Variants in ZNRF3 observed in about 807,000 individuals in gnomAD.
ZNRF3 encodes the protein zinc and ring finger 3, also known as E3 ubiquitin-protein ligase ZNRF3.
Under a neutral mutation model 72.5 loss-of-function variants are expected in ZNRF3, and 23 were observed. The ratio of observed to expected loss-of-function variants is 0.32; its 90% CI spans 0.23 to 0.45. The LOEUF is 0.45. ZNRF3 is among the 20% of genes least tolerant of loss of function. The pLI, the probability that ZNRF3 is intolerant of heterozygous loss-of-function variation, is 1.00. For missense variants in ZNRF3, 1,169 were observed against 1,272.1 expected, an observed-to-expected ratio of 0.92 and a Z score of 1.23; for synonymous variants, 610 against 545.3, an observed-to-expected ratio of 1.12 and a Z score of -1.65.
chr22:28,924,392 C>T (rs1260224464), intron 1 of ZNRF3, among the ~76,000 whole-genome samples: 1 of 152,146 alleles, frequency 6.6e-6, no homozygotes, highest in African/African-American at 2.4e-5. Flanking sequence ...AAAGTGCTTT[C>T]CTCTGGTGGG....
chr22:29,021,197 G>A (rs907447106), intron 2 of ZNRF3, among the ~76,000 whole-genome samples: 2 of 151,804 alleles, frequency 1.3e-5, no homozygotes, highest in East Asian at 1.9e-4. Flanking sequence ...TTGTGCCATC[G>A]CACTCCAGCT....
chr22:28,960,204 C>G (rs561586311), intron 1 of ZNRF3, among the ~76,000 whole-genome samples: 2 of 152,160 alleles, frequency 1.3e-5, no homozygotes, highest in Non-Finnish European at 2.9e-5. Flanking sequence ...CCCAGAGATT[C>G]TGATGGGAGT....
intron 8 of ZNRF3, among the ~76,000 whole-genome samples, chr22:29,051,479 C>CTGTA (rs2037205357): frequency 6.6e-6 from 1 of 152,072 alleles, no homozygotes; most frequent in South Asian, 2.1e-4. Context: ...TGGCGGGTGC[C>CTGTA]TGTAGTCCCA....
intron 2 of ZNRF3, chr22:29,018,091 C>T (rs949332475): frequency 1.2e-5 from 6 of 517,494 alleles, no homozygotes; most frequent in South Asian, 5.6e-5. Context: ...GGAGGGCGGA[C>T]GGGCAGACCG....
At chr22:28,957,615 A>G (rs1366635657) in intron 1 of ZNRF3, among the ~76,000 whole-genome samples, 1 of 151,688 alleles carries the variant, frequency 6.6e-6, no homozygotes, top group Non-Finnish European at 1.5e-5. Context: ...AATTTTTTGT[A>G]TCTTTAGTAG....
chr22:29,039,367 C>A (rs1291910555), intron 2 of ZNRF3, among the ~76,000 whole-genome samples: 1 of 152,168 alleles, frequency 6.6e-6, no homozygotes, highest in Non-Finnish European at 1.5e-5. Flanking sequence ...CATCAAAGCG[C>A]ACAGGTACCG....
At chr22:28,962,932 C>T (rs2035391104) in intron 1 of ZNRF3, among the ~76,000 whole-genome samples, 1 of 152,092 alleles carries the variant, frequency 6.6e-6, no homozygotes, top group African/African-American at 2.4e-5. Flanking sequence ...GTACCCTGAA[C>T]ATCCTTTTGG....
chr22:28,989,465 G>GC (rs1005987364), intron 2 of ZNRF3, among the ~76,000 whole-genome samples: 6 of 152,178 alleles, frequency 3.9e-5, no homozygotes, highest in African/African-American at 9.6e-5. Context: ...TGTTTTATGA[G>GC]CCCCCCGGGG....
chr22:28,910,441 A>G (rs2034295847), intron 1 of ZNRF3, among the ~76,000 whole-genome samples: 2 of 152,136 alleles, frequency 1.3e-5, no homozygotes, highest in African/African-American at 4.8e-5. Flanking sequence ...CCTCTTCATG[A>G]TGGTCCACTT....
At chr22:28,994,744 A>T (rs1012590157) in intron 2 of ZNRF3, among the ~76,000 whole-genome samples, 1 of 152,134 alleles carries the variant, frequency 6.6e-6, no homozygotes, top group African/African-American at 2.4e-5. Flanking sequence ...TGTTATGTAT[A>T]TTTTACCACA....
At chr22:28,893,528 G>T in intron 1 of ZNRF3, among the ~76,000 whole-genome samples, 2 of 141,976 alleles carry the variant, frequency 1.4e-5, no homozygotes, top group African/African-American at 2.6e-5. Context: ...GACAAGTTCT[G>T]GCTCTATCGC....
chr22:28,920,497 C>T (rs1288590291), intron 1 of ZNRF3, among the ~76,000 whole-genome samples: 1 of 152,164 alleles, frequency 6.6e-6, no homozygotes, highest in Non-Finnish European at 1.5e-5. Context: ...TCTCGAACTC[C>T]TGACCTCAAG....
intron 2 of ZNRF3, among the ~76,000 whole-genome samples, chr22:29,040,007 G>A (rs981008223): frequency 5.3e-5 from 8 of 151,992 alleles, no homozygotes; most frequent in Non-Finnish European, 1.2e-4. Context: ...TGCCACTCTC[G>A]CCTCACACTT....
chr22:29,013,303 CTG>C (rs1158905484), intron 2 of ZNRF3, among the ~76,000 whole-genome samples: 1 of 152,166 alleles, frequency 6.6e-6, no homozygotes, highest in African/African-American at 2.4e-5. Flanking sequence ...AAAATGATGA[CTG>C]TGAAGAGTAT....
chr22:28,925,302 A>C (rs1056278083), intron 1 of ZNRF3, among the ~76,000 whole-genome samples: 10 of 152,142 alleles, frequency 6.6e-5, no homozygotes, highest in African/African-American at 2.2e-4. Flanking sequence ...AGATGTCCCA[A>C]CCAAACCCAG....
At chr22:29,000,180 A>G (rs578045430) in intron 2 of ZNRF3, among the ~76,000 whole-genome samples, 2 of 152,360 alleles carry the variant, frequency 1.3e-5, no homozygotes, top group South Asian at 4.1e-4. Context: ...TAAAAATAAT[A>G]AAAGAGTTTC....
chr22:28,937,205 ATATATATATAT>A (rs1206430399), intron 1 of ZNRF3, among the ~76,000 whole-genome samples: 4 of 4,058 alleles, frequency 9.9e-4, no homozygotes, highest in African/African-American at 1.8e-3. Flanking sequence ...ATATATATAT[ATATATATATAT>A]TTTTTTTTTT....
At chr22:28,977,429 A>G (rs1045602942) in intron 1 of ZNRF3, among the ~76,000 whole-genome samples, 2 of 151,860 alleles carry the variant, frequency 1.3e-5, no homozygotes, top group Non-Finnish European at 2.9e-5. Flanking sequence ...TAGAAGAGGG[A>G]AAAAAAATCC....
rs1282570058 is a variant in ZNRF3 at position 29,057,371 on chromosome 22, G to C, written c.*3749G>C. ...TGTAAATACATGATAATTGCACACA[G>C]ATTTTACATATTTGCAGACCAAAAA... On this transcript the variant is annotated 3_prime_UTR_variant, in exon 9 of 9. Transcript: ENST00000544604. 6.6e-6 allele frequency: 1 copy of C among 152,126 alleles called. No homozygotes were observed. Among genetic ancestry groups the C allele is most frequent in the African/African-American group, 2.4e-5 (1 of 41,424 alleles). 9.4% of individuals were successfully genotyped at this position (152,126 alleles called of 1,614,324 possible).
Sources: allele counts gnomAD v4.1 joint callset (sites outside exome capture counted in the v4.1 genomes callset), GRCh38; gene constraint gnomAD v4.1.1; transcripts MANE v1.5; gene names NCBI Gene and HGNC (gene_info 2026-07-23, HGNC 2026-07-21).